The following PTK2 variants were observed in gnomAD, a reference collection of about 807,000 sequenced individuals.
PTK2 encodes focal adhesion kinase 1.
In PTK2, 45 loss-of-function variants were observed where a neutral mutation model predicts 150.1. That is an observed-to-expected ratio of 0.30 (90% CI 0.24 to 0.38). The LOEUF is 0.38. PTK2 is among the 10% of genes least tolerant of loss of function. The pLI is 1.00. For missense variants in PTK2, 919 were observed against 1,307.3 expected, an observed-to-expected ratio of 0.70 and a Z score of 4.58; for synonymous variants, 432 against 449.2, an observed-to-expected ratio of 0.96 and a Z score of 0.48.
rs541560019 is a variant in PTK2, at chr8:140,800,640, T to G, written c.976-64A>C. ...CTTCCCAGTAAGCAAAGGACAGCTG[T>G]GCTATGACATCAGACATCTCTATAC... is the stretch of plus-strand genomic sequence containing the variant. On this transcript the variant is annotated intron_variant, in intron 11 of 31. Transcript: ENST00000522684. 3.2e-5 allele frequency: 40 copies of G among 1,244,992 alleles called. No homozygotes were observed. The African/African-American group carries it at 5.5e-4, about 17-fold the overall frequency. The allele number at this position is 1,244,992 out of a possible 1,614,324, so 77.1% of individuals were successfully genotyped here.
intron 10 of PTK2, among the ~76,000 whole-genome samples, chr8:140,816,082 C>T (rs1310966049): frequency 6.6e-6 from 1 of 152,074 alleles, no homozygotes; most frequent in Non-Finnish European, 1.5e-5. Context: ...CATTATTATA[C>T]ACTTATAAAA....
In PTK2 at chr8:140,753,574, C is replaced by G. The variant is rs114454868; in HGVS notation, c.1333-1258G>C. On this transcript the variant is annotated intron_variant, in intron 16 of 31. Transcript: ENST00000522684. ...CTCTCCAACATGAAGAGGTCAGGGA[C>G]AAGAGTGGAAAATGTCAAAGGAGAC... Among the ~76,000 whole-genome samples the G allele has an allele frequency of 4.5e-3, 684 of 152,198 alleles. 4 individuals carry two copies. Among genetic ancestry groups the G allele is most frequent in the African/African-American group, 0.016 (647 of 41,494 alleles).
chr8:140,985,958 T>C (rs1291358768), intron 1 of PTK2, among the ~76,000 whole-genome samples: 1 of 152,252 alleles, frequency 6.6e-6, no homozygotes, highest in African/African-American at 2.4e-5. Flanking sequence ...CTCAATCATC[T>C]GTCTAGCTAT....
At chr8:140,792,209 C>T (rs1057472295) in intron 13 of PTK2, among the ~76,000 whole-genome samples, 13 of 152,146 alleles carry the variant, frequency 8.5e-5, no homozygotes, top group Admixed American at 1.3e-4. Context: ...AATGTTTGTA[C>T]AAAAAATGTG....
intron 31 of PTK2, among the ~76,000 whole-genome samples, chr8:140,663,880 CTG>C (rs1260089176): frequency 6.6e-6 from 1 of 152,148 alleles, no homozygotes; most frequent in Non-Finnish European, 1.5e-5. Context: ...TGGTCATAAA[CTG>C]GCTTTAAGCC....
chr8:140,920,994 C>A, intron 2 of PTK2: 1 of 1,306,218 alleles, frequency 7.7e-7, no homozygotes, highest in South Asian at 2.3e-5. Flanking sequence ...TGCTTCGATC[C>A]ACAAGCAAGA....
intron 7 of PTK2, among the ~76,000 whole-genome samples, chr8:140,840,479 A>G (rs992767335): frequency 2.0e-5 from 3 of 152,216 alleles, no homozygotes; most frequent in African/African-American, 7.2e-5. Context: ...ACAGGAAAAA[A>G]TGATGTGTAA....
rs535622385 is a variant in PTK2 at position 140,996,095 on chromosome 8, A to G, written c.-122+5030T>C. 2.9e-4 allele frequency among the ~76,000 whole-genome samples: 44 copies of G among 152,176 alleles called. No homozygotes were observed. In the South Asian group the frequency reaches 9.1e-3, roughly 32 times the overall value. Reference sequence around the variant, plus strand: ...CTCTTAAAACAAAACAAAACAAAACAAAACAAAGGAAAAGAAAACAGCCTT... The same window carrying G: ...CTCTTAAAACAAAACAAAACAAAACGAAACAAAGGAAAAGAAAACAGCCTT... On this transcript the variant is annotated intron_variant, in intron 1 of 31. Transcript: ENST00000522684.
rs138389750 is a variant in PTK2, at chr8:140,795,847, T to C, written c.1094-2463A>G. Among the ~76,000 whole-genome samples the C allele has an allele frequency of 4.4e-3, 669 of 152,346 alleles. 4 individuals are homozygous for C. The highest frequency in any genetic ancestry group is 0.015 in the African/African-American group (627 of 41,582). On this transcript the variant is annotated intron_variant, in intron 12 of 31. Transcript: ENST00000522684. ...ACTGCACATTGTATTCCCCTGAACATACCACACATGCCTTGAAATGTGCTC... is the reference window on the plus strand; with the variant it reads ...ACTGCACATTGTATTCCCCTGAACACACCACACATGCCTTGAAATGTGCTC...
chr8:140,762,161 T>C (rs561316561), intron 15 of PTK2, among the ~76,000 whole-genome samples: 1 of 152,274 alleles, frequency 6.6e-6, no homozygotes, highest in African/African-American at 2.4e-5. Context: ...TATCAAATTA[T>C]AAACAACACA....
intron 19 of PTK2, among the ~76,000 whole-genome samples, chr8:140,744,062 C>CGTGGTGG (rs58628473): frequency 6.7e-6 from 1 of 150,022 alleles, no homozygotes; most frequent in African/African-American, 2.4e-5. Flanking sequence ...CAGCTATGAG[C>CGTGGTGG]CACCGCGCCC....
At chr8:140,686,895 G>A in intron 26 of PTK2, 8 of 570,712 alleles carry the variant, frequency 1.4e-5, no homozygotes, top group East Asian at 9.2e-5. Context: ...CTCCACACAC[G>A]CACACCTTAC....
At chr8:140,877,408 G>A (rs2100146300) in intron 4 of PTK2, among the ~76,000 whole-genome samples, 1 of 152,036 alleles carries the variant, frequency 6.6e-6, no homozygotes, top group Non-Finnish European at 1.5e-5. Flanking sequence ...ATTGAGATAG[G>A]CAATCTAATT....
intron 3 of PTK2, among the ~76,000 whole-genome samples, chr8:140,884,032 A>G (rs1294043599): frequency 6.6e-6 from 1 of 151,880 alleles, no homozygotes; most frequent in African/African-American, 2.4e-5. Context: ...TCCTTCTTTC[A>G]TATTCACCTC....
intron 1 of PTK2, among the ~76,000 whole-genome samples, chr8:140,943,774 T>A (rs73356539): frequency 0.064 from 9,771 of 152,274 alleles, 894 homozygotes; most frequent in African/African-American, 0.2. Flanking sequence ...TCAGCCATTC[T>A]AATAGGGTTG....
chr8:140,827,616 A>G lies in PTK2; in HGVS notation c.648+2856T>C, dbSNP rs115342035. ...AACTTTCTAGCTTTTCAATTCTACT[A>G]TCTTCTAAAGTCTTATCCTGTCTTC... On this transcript the variant is annotated intron_variant, in intron 8 of 31. Transcript: ENST00000522684. Among the ~76,000 whole-genome samples the G allele has an allele frequency of 4.3e-3, 656 of 152,236 alleles. 6 individuals are homozygous for G. The highest frequency in any genetic ancestry group is 0.015 in the African/African-American group (632 of 41,520).
At chr8:140,940,400 G>A (rs572859224) in intron 1 of PTK2, among the ~76,000 whole-genome samples, 11 of 152,152 alleles carry the variant, frequency 7.2e-5, no homozygotes, top group Admixed American at 6.5e-4. Flanking sequence ...AGTGAGATGA[G>A]ATAGTGCCAC....
intron 4 of PTK2, among the ~76,000 whole-genome samples, chr8:140,875,804 A>G (rs2154606944): frequency 6.6e-6 from 1 of 152,324 alleles, no homozygotes; most frequent in Non-Finnish European, 1.5e-5. Flanking sequence ...TGCCCAAGGC[A>G]GGTGTAGGGA....
intron 23 of PTK2, among the ~76,000 whole-genome samples, chr8:140,711,150 A>C (rs1281657667): frequency 2.0e-5 from 3 of 152,176 alleles, no homozygotes; most frequent in Non-Finnish European, 2.9e-5. Flanking sequence ...TCTGTCGCCC[A>C]GGCTAGAGTG....
Sources: allele counts gnomAD v4.1 joint callset (sites outside exome capture counted in the v4.1 genomes callset), GRCh38; gene constraint gnomAD v4.1.1; transcripts MANE v1.5; gene names NCBI Gene and HGNC (gene_info 2026-07-23, HGNC 2026-07-21).